The following SNX18 variants were observed in gnomAD, a reference collection of about 807,000 sequenced individuals.
The protein encoded by SNX18 is sorting nexin 18, also known as sorting nexin-18.
A neutral mutation model predicts 48.7 loss-of-function variants in SNX18; 35 were observed. The ratio of observed to expected loss-of-function variants is 0.72; its 90% CI spans 0.55 to 0.95. The LOEUF (loss-of-function observed/expected upper bound fraction) is 0.95, where lower values mean the gene tolerates loss of function less well. SNX18 is among the 40% of genes least tolerant of loss of function. The probability of loss-of-function intolerance (pLI) is 0.00; values close to 1 mark genes in which losing one functional copy is unlikely to be tolerated. For missense variants in SNX18, 824 were observed against 871.0 expected (o/e 0.95, Z 0.68); for synonymous variants, 492 against 384.7 (o/e 1.28, Z -3.26).
chr5:54,546,856 T>C (rs1215698782), downstream of SNX18, among the ~76,000 whole-genome samples: 1 of 152,184 alleles, frequency 6.6e-6, no homozygotes, highest in Non-Finnish European at 1.5e-5. Context: ...AAATAATAGC[T>C]CCCATGAGTC....
At chr5:54,620,622 G>A in the SNX18 span, among the ~76,000 whole-genome samples, 16 of 152,332 alleles carry the variant, frequency 1.1e-4, no homozygotes, top group South Asian at 6.2e-4. Context: ...GAACAGAGGC[G>A]TTGCCGTGGA....
At chr5:54,599,855 A>T in the SNX18 span, among the ~76,000 whole-genome samples, 5 of 152,244 alleles carry the variant, frequency 3.3e-5, no homozygotes, top group East Asian at 9.6e-4. Context: ...TTAAAGACTT[A>T]AATGTCAAAC....
rs1209444655 is a variant in SNX18 at position 54,545,445 on chromosome 5, G to A, written c.*2013G>A. Reference sequence around the variant, plus strand: ...TTTTAATAGTAAAATCACTAAACTTGTGCAATGGTAGCATGGAAATTATCT... The same window carrying A: ...TTTTAATAGTAAAATCACTAAACTTATGCAATGGTAGCATGGAAATTATCT... On this transcript the variant is annotated 3_prime_UTR_variant, in exon 2 of 2. Coordinates refer to ENST00000381410, the MANE Select transcript of SNX18 (RefSeq NM_001102575.2). 1 of 150,708 alleles carries A rather than the reference G, an allele frequency of 6.6e-6. No homozygotes were observed. Among genetic ancestry groups the A allele is most frequent in the Non-Finnish European group, 1.5e-5 (1 of 67,786 alleles). The allele number at this position is 150,708 out of a possible 1,614,324, so 9.3% of individuals were successfully genotyped here. A position where few individuals can be genotyped will look rare whatever the true frequency, so the allele number is the denominator to read the frequency against.
chr5:54,518,570 C>T lies in SNX18; in HGVS notation c.618C>T (p.Arg206=). The T allele has an allele frequency of 6.3e-7, 1 of 1,579,732 alleles. No individual in the cohort carries two copies. The highest frequency in any genetic ancestry group is 8.6e-7 in the Non-Finnish European group (1 of 1,163,944). The change falls in exon 1 of 2, where the codon CGC becomes CGT. Residue 206 remains arginine (R), a synonymous_variant. Coordinates refer to ENST00000381410, the MANE Select transcript of SNX18 (RefSeq NM_001102575.2). ...STRSDLSLGS[R]GGSVPPQHHP... is the part of the protein sequence containing the mutation. ...GCTCCGACCTGTCCCTGGGTTCCCG[C>T]GGCGGCTCGGTCCCCCCGCAGCACC...
the SNX18 span, among the ~76,000 whole-genome samples, chr5:54,569,777 A>G: frequency 0.5 from 76,550 of 151,832 alleles, 20,172 homozygotes; most frequent in Non-Finnish European, 0.59. Context: ...ATAAGGTAGA[A>G]GTTGGGTAGC....
the SNX18 span, among the ~76,000 whole-genome samples, chr5:54,571,781 GT>G: frequency 6.6e-6 from 1 of 152,186 alleles, no homozygotes; most frequent in African/African-American, 2.4e-5. Flanking sequence ...ATTATGTATG[GT>G]CTCAGCAGGC....
chr5:54,642,002 T>G, the SNX18 span, among the ~76,000 whole-genome samples: 2 of 152,224 alleles, frequency 1.3e-5, no homozygotes, highest in Admixed American at 6.5e-5. Flanking sequence ...GATTTTATAA[T>G]AAAAGGCTGA....
chr5:54,551,585 A>C (rs1429153341), downstream of SNX18, among the ~76,000 whole-genome samples: 1 of 152,124 alleles, frequency 6.6e-6, no homozygotes, highest in Non-Finnish European at 1.5e-5. Context: ...GATCTACGGA[A>C]CTCTCCTACA....
chr5:54,645,049 T>G, the SNX18 span: 2 of 152,222 alleles, frequency 1.3e-5, no homozygotes, highest in Non-Finnish European at 2.9e-5. Flanking sequence ...GTGATTTGCA[T>G]GCACAGTAAA....
In SNX18 at chr5:54,518,439, A is replaced by G. The variant is rs1176599260; in HGVS notation, c.487A>G (p.Thr163Ala). 1.9e-6 allele frequency: 3 copies of G among 1,575,254 alleles called. No homozygotes were observed. In the East Asian group the frequency reaches 7.1e-5, roughly 37 times the overall value. Residue 163 changes from threonine (T) to alanine (A), a missense_variant, in exon 1 of 2, where the codon ACG becomes GCG. By Grantham distance (58) the Thr-to-Ala change is moderately conservative. Transcript: ENST00000381410. Reference sequence around the variant, plus strand: ...GGACGACGAGTGGGACGACAGCTCCACGGTGGCGGACGAGCCGGGCGCTCT... The same window carrying G: ...GGACGACGAGTGGGACGACAGCTCCGCGGTGGCGGACGAGCCGGGCGCTCT... ...DWDDEWDDSSTVADEPGALGS... is the reference protein window; with the variant it reads ...DWDDEWDDSSAVADEPGALGS...
At chr5:54,629,071 T>C in the SNX18 span, among the ~76,000 whole-genome samples, 1 of 152,238 alleles carries the variant, frequency 6.6e-6, no homozygotes, top group South Asian at 2.1e-4. Flanking sequence ...TGGCTGCTTA[T>C]TAAATGCCTG....
At chr5:54,592,534 A>G in the SNX18 span, among the ~76,000 whole-genome samples, 1 of 152,184 alleles carries the variant, frequency 6.6e-6, no homozygotes, top group Non-Finnish European at 1.5e-5. Flanking sequence ...TGAGATGATG[A>G]TCGTGAAGCT....
intron 1 of SNX18, among the ~76,000 whole-genome samples, chr5:54,537,036 A>G (rs1762370560): frequency 6.6e-6 from 1 of 152,114 alleles, no homozygotes; most frequent in Admixed American, 6.6e-5. Flanking sequence ...TTCTTTTGAG[A>G]TGTATTTTTC....
chr5:54,641,604 C>CCA, the SNX18 span, among the ~76,000 whole-genome samples: 1 of 152,176 alleles, frequency 6.6e-6, no homozygotes, highest in Admixed American at 6.5e-5. Flanking sequence ...AGAGAGTGCA[C>CCA]CACAAAGGTT....
chr5:54,588,990 G>C, the SNX18 span, among the ~76,000 whole-genome samples: 1 of 152,142 alleles, frequency 6.6e-6, no homozygotes, highest in African/African-American at 2.4e-5. Context: ...GTTTATATAA[G>C]AGAAAAATAA....
chr5:54,533,054 C>G (rs1229763326), intron 1 of SNX18, among the ~76,000 whole-genome samples: 1 of 152,134 alleles, frequency 6.6e-6, no homozygotes, highest in Admixed American at 6.5e-5. Context: ...AGGATGAAAT[C>G]AAGCTTAGAG....
chr5:54,524,385 C>T (rs570867739), intron 1 of SNX18, among the ~76,000 whole-genome samples: 1 of 152,304 alleles, frequency 6.6e-6, no homozygotes, highest in Admixed American at 6.5e-5. Flanking sequence ...AGGACCTGCA[C>T]TCCCACCCTC....
the SNX18 span, among the ~76,000 whole-genome samples, chr5:54,569,602 A>G: frequency 6.6e-6 from 1 of 152,210 alleles, no homozygotes; most frequent in African/African-American, 2.4e-5. Flanking sequence ...CATGGCTGGC[A>G]CCTGGGTTGA....
the SNX18 span, among the ~76,000 whole-genome samples, chr5:54,634,039 G>A: frequency 2.0e-5 from 3 of 152,148 alleles, no homozygotes; most frequent in African/African-American, 7.2e-5. Flanking sequence ...CAACAGCCCT[G>A]AGCAAAATGT....
Sources: allele counts gnomAD v4.1 joint callset (sites outside exome capture counted in the v4.1 genomes callset), GRCh38; gene constraint gnomAD v4.1.1; transcripts MANE v1.5; gene names NCBI Gene and HGNC (gene_info 2026-07-23, HGNC 2026-07-21).